Variants in TACR1 observed in about 807,000 individuals in gnomAD.
TACR1 encodes the protein tachykinin receptor 1.
A neutral mutation model predicts 35.8 loss-of-function variants in TACR1; 25 were observed. That is an observed-to-expected ratio of 0.70 (90% CI 0.51 to 0.98). TACR1 has a LOEUF of 0.98. TACR1 is among the 50% of genes least tolerant of loss of function. The pLI, the probability that TACR1 is intolerant of heterozygous loss-of-function variation, is 0.00. For synonymous variants in TACR1, 195 were observed against 206.7 expected (o/e 0.94, Z 0.48); for missense variants, 478 against 522.9 (o/e 0.91, Z 0.84).
chr2:75,070,740 G>T lies in TACR1; in HGVS notation c.585-16985C>A, dbSNP rs139994870. On this transcript the variant is annotated intron_variant, in intron 2 of 4. Transcript: ENST00000305249. ...GCTATATCCTTAGCTCTACTTTGCA[G>T]GTAAGGAAGCTGAGATACAGACAGG... Among the ~76,000 whole-genome samples, 186 of 152,310 alleles carry T rather than the reference G, an allele frequency of 1.2e-3. 1 individual carries two copies. Among genetic ancestry groups the T allele is most frequent in the African/African-American group, 4.3e-3 (179 of 41,564 alleles).
intron 2 of TACR1, among the ~76,000 whole-genome samples, chr2:75,090,386 G>A (rs1673285029): frequency 6.6e-6 from 1 of 152,122 alleles, no homozygotes; most frequent in Non-Finnish European, 1.5e-5. Context: ...ACCTGTATGG[G>A]GCATTAACAT....
At chr2:75,176,514 C>T (rs1247650462) in intron 1 of TACR1, among the ~76,000 whole-genome samples, 1 of 152,044 alleles carries the variant, frequency 6.6e-6, no homozygotes, top group African/African-American at 2.4e-5. Flanking sequence ...TCAAGCAATT[C>T]CCTCATAATA....
chr2:75,144,655 C>G (rs535083770), intron 1 of TACR1, among the ~76,000 whole-genome samples: 1 of 152,278 alleles, frequency 6.6e-6, no homozygotes, highest in South Asian at 2.1e-4. Context: ...AAAACTGATT[C>G]ATATTATCAA....
At chr2:75,173,010 C>G (rs1675327234) in intron 1 of TACR1, among the ~76,000 whole-genome samples, 1 of 152,044 alleles carries the variant, frequency 6.6e-6, no homozygotes, top group African/African-American at 2.4e-5. Context: ...TTCTAAAAAT[C>G]CTATCAGCAA....
intron 1 of TACR1, among the ~76,000 whole-genome samples, chr2:75,173,246 A>G (rs1675333348): frequency 6.6e-6 from 1 of 152,236 alleles, no homozygotes; most frequent in Non-Finnish European, 1.5e-5. Flanking sequence ...GTATAAATTC[A>G]GCTGTTAACC....
At chr2:75,092,454 A>G (rs1182900966) in intron 2 of TACR1, among the ~76,000 whole-genome samples, 6 of 152,124 alleles carry the variant, frequency 3.9e-5, no homozygotes, top group African/African-American at 9.7e-5. Flanking sequence ...GTACATTATC[A>G]TCATCATTTT....
intron 1 of TACR1, among the ~76,000 whole-genome samples, chr2:75,138,415 G>A (rs1674339397): frequency 6.6e-6 from 1 of 152,160 alleles, no homozygotes; most frequent in African/African-American, 2.4e-5. Flanking sequence ...TACCTAGCCT[G>A]GACTCTTGCC....
intron 2 of TACR1, among the ~76,000 whole-genome samples, chr2:75,057,929 G>A (rs11685532): frequency 0.33 from 50,608 of 152,116 alleles, 10,372 homozygotes; most frequent in Non-Finnish European, 0.45. Flanking sequence ...AATAAATTAT[G>A]TAAGAAAAAT....
At chr2:75,113,957 A>G (rs1016709709) in intron 2 of TACR1, among the ~76,000 whole-genome samples, 1 of 152,172 alleles carries the variant, frequency 6.6e-6, no homozygotes, top group Non-Finnish European at 1.5e-5. Flanking sequence ...AATTTTTATT[A>G]TTGTGAACGA....
intron 2 of TACR1, among the ~76,000 whole-genome samples, chr2:75,114,984 C>T (rs1174341729): frequency 6.6e-6 from 1 of 151,986 alleles, no homozygotes; most frequent in African/African-American, 2.4e-5. Flanking sequence ...AGGAATATAG[C>T]TAGAAGCAGC....
In TACR1 at chr2:75,198,928, T is replaced by C. The variant is rs1341473373; in HGVS notation, c.7A>G (p.Asn3Asp). The change falls in exon 1 of 5, where the codon AAC becomes GAC. Residue 3 changes from asparagine to aspartate, a missense_variant. By Grantham distance (23) the Asn-to-Asp change is conservative. Transcript: ENST00000305249. Reference protein sequence around the residue: MDNVLPVDSDLSP... With the variant: MDDVLPVDSDLSP... ...AGGTCTGAGTCCACCGGGAGGACGT[T>C]ATCCATTTCGAAGCTAGGCGGTAAA... 3 of 1,613,030 alleles carry C rather than the reference T, an allele frequency of 1.9e-6. No individual in the cohort carries two copies. Among genetic ancestry groups the C allele is most frequent in the Admixed American group, 1.7e-5 (1 of 60,018 alleles).
intron 2 of TACR1, among the ~76,000 whole-genome samples, chr2:75,112,011 G>A (rs575759829): frequency 6.6e-6 from 1 of 152,144 alleles, no homozygotes; most frequent in Admixed American, 6.5e-5. Flanking sequence ...GACTATCCAA[G>A]TTGTGGGCAG....
intron 2 of TACR1, among the ~76,000 whole-genome samples, chr2:75,064,092 A>G (rs74475357): frequency 1.3e-5 from 1 of 79,866 alleles, no homozygotes; most frequent in African/African-American, 8.6e-5. Context: ...CAGTGTTAGG[A>G]AAAAAAAAAA....
chr2:75,130,276 C>T (rs10167068), intron 1 of TACR1, among the ~76,000 whole-genome samples: 17,400 of 152,138 alleles, frequency 0.11, 1,207 homozygotes, highest in Admixed American at 0.21. Context: ...ATGAAGTGTA[C>T]TCAGACTCAG....
chr2:75,137,940 T>C (rs747418556), intron 1 of TACR1, among the ~76,000 whole-genome samples: 2 of 152,050 alleles, frequency 1.3e-5, no homozygotes, highest in Non-Finnish European at 2.9e-5. Context: ...GTATTAAGCA[T>C]ATAGTGGTAG....
chr2:75,122,553 C>G (rs1420583215), intron 1 of TACR1, among the ~76,000 whole-genome samples: 1 of 152,066 alleles, frequency 6.6e-6, no homozygotes, highest in African/African-American at 2.4e-5. Flanking sequence ...GAAGGAAACT[C>G]CTAGAAACTC....
chr2:75,114,978 A>G (rs1477111888), intron 2 of TACR1, among the ~76,000 whole-genome samples: 3 of 152,342 alleles, frequency 2.0e-5, no homozygotes, highest in East Asian at 1.9e-4. Flanking sequence ...GGATCTAGGA[A>G]TATAGCTAGA....
chr2:75,114,526 A>T (rs1277779691), intron 2 of TACR1, among the ~76,000 whole-genome samples: 1 of 152,204 alleles, frequency 6.6e-6, no homozygotes, highest in East Asian at 1.9e-4. Flanking sequence ...AGCCCACATA[A>T]CAACTACAAG....
intron 1 of TACR1, among the ~76,000 whole-genome samples, chr2:75,148,230 T>C (rs1423393734): frequency 6.6e-6 from 1 of 152,242 alleles, no homozygotes; most frequent in Non-Finnish European, 1.5e-5. Flanking sequence ...TTTGGGTATA[T>C]ACCCAGTAAT....
Sources: allele counts gnomAD v4.1 joint callset (sites outside exome capture counted in the v4.1 genomes callset), GRCh38; gene constraint gnomAD v4.1.1; transcripts MANE v1.5; gene names NCBI Gene and HGNC (gene_info 2026-07-23, HGNC 2026-07-21).